Variants in BCORL1 observed in about 807,000 individuals in gnomAD.
BCORL1 encodes the protein BCL-6 corepressor-like protein 1.
Under a neutral mutation model 87.6 loss-of-function variants are expected in BCORL1, and 7 were observed. The ratio of observed to expected loss-of-function variants is 0.08; its 90% confidence interval spans 0.05 to 0.15. The LOEUF (loss-of-function observed/expected upper bound fraction) is 0.15. BCORL1 is among the 10% of genes least tolerant of loss of function. BCORL1 has a pLI of 1.00. For missense variants in BCORL1, 1,215 were observed against 1,499.7 expected, an observed-to-expected ratio of 0.81 and a Z score of 3.13; for synonymous variants, 591 against 634.4, an observed-to-expected ratio of 0.93 and a Z score of 1.03.
At chrX:130,041,327 G>A (rs1931302341) in intron 11 of BCORL1, among the ~76,000 whole-genome samples, 1 of 104,659 alleles carries the variant, frequency 9.6e-6, no homozygotes, top group Admixed American at 1.0e-4. Context: ...AAATAAACAC[G>A]TTTCTCTTAT....
Position 130,014,242 on chromosome X carries a change from C to A in BCORL1, c.1470C>A (p.Leu490=). The part of the protein sequence containing the change: ...VLPSYLQDRC[L]PGVLASPELR... ...CGTCCTACCTGCAGGACAGGTGTCT[C>A]CCAGGCGTGCTAGCCTCCCCCGAGC... is the stretch of plus-strand genomic sequence containing the variant. The change falls in exon 4 of 14, where the codon CTC becomes CTA. Residue 490 remains leucine (L), a synonymous_variant. Coordinates refer to ENST00000540052, the MANE Select transcript of BCORL1 (RefSeq NM_001379451.1). 9 of 1,211,047 alleles carry A rather than the reference C, an allele frequency of 7.4e-6. No homozygotes were observed. The highest frequency in any genetic ancestry group is 1.0e-5 in the Non-Finnish European group (9 of 895,308).
intron 13 of BCORL1, among the ~76,000 whole-genome samples, chrX:130,052,773 A>G (rs1269542494): frequency 2.7e-5 from 3 of 112,298 alleles, no homozygotes; most frequent in Non-Finnish European, 5.6e-5. Context: ...GTCTTCATGT[A>G]TTTCAAATAC....
intron 8 of BCORL1, among the ~76,000 whole-genome samples, chrX:130,030,664 G>A (rs1291318620): frequency 9.0e-6 from 1 of 111,251 alleles, no homozygotes; most frequent in Non-Finnish European, 1.9e-5. Flanking sequence ...GCTGGGAAAA[G>A]GTGGGCGTCT....
chrX:130,021,791 T>TG (rs1308964388), intron 5 of BCORL1, among the ~76,000 whole-genome samples: 1 of 105,496 alleles, frequency 9.5e-6, no homozygotes, highest in Non-Finnish European at 2.0e-5. Flanking sequence ...TGGTCTGTTC[T>TG]TTTTTTTTTT....
At position 130,028,705 on chromosome X, in the gene BCORL1, T is replaced by C; in HGVS notation, c.4149T>C (p.Leu1383=). The C allele has an allele frequency of 1.7e-6, 2 of 1,210,835 alleles. No individual in the cohort carries two copies. The highest frequency in any genetic ancestry group is 2.2e-6 in the Non-Finnish European group (2 of 895,227). ...SLEHRLRNRN[L]LLPNKVQGIS... ...AGCACCGCCTCAGGAACAGGAACCTTCTCTTGCCCAACAAAGTCCAGGGGA... is the reference window on the plus strand; with the variant it reads ...AGCACCGCCTCAGGAACAGGAACCTCCTCTTGCCCAACAAAGTCCAGGGGA... Residue 1383 remains leucine, a synonymous_variant, in exon 8 of 14, where the codon CTT becomes CTC. Coordinates refer to ENST00000540052, the MANE Select transcript of BCORL1 (RefSeq NM_001379451.1).
chrX:130,008,559 G>A (rs1410134209), intron 2 of BCORL1, among the ~76,000 whole-genome samples: 1 of 111,594 alleles, frequency 9.0e-6, no homozygotes, highest in Non-Finnish European at 1.9e-5. Context: ...CACCACGCCC[G>A]GCCTAAGATG....
Position 130,013,394 on chromosome X carries a change from C to G in BCORL1, c.622C>G (p.Pro208Ala). The G allele has an allele frequency of 1.7e-6, 2 of 1,211,212 alleles. No individual in the cohort carries two copies. Among genetic ancestry groups the G allele is most frequent in the Non-Finnish European group, 2.2e-6 (2 of 895,265 alleles). ...GCCAGCCCCTATCTGTCCCCCTGCT[C>G]CCGGTTCGGCCTCTGTGCCCCACTC... ...PLPAPICPPA[P>A]GSASVPHSVP... Residue 208 changes from proline to alanine, a missense_variant, in exon 4 of 14, where the codon CCC becomes GCC. By Grantham distance (27) the Pro-to-Ala change is conservative. This residue lies in a region of BCORL1 where 861 missense variants were observed against 1,010.0 expected (regional missense o/e 0.85). Transcript: ENST00000540052.
chrX:130,034,438 G>T lies in BCORL1; in HGVS notation c.4306-17G>T. 7 of 977,078 alleles carry T rather than the reference G, an allele frequency of 7.2e-6. No homozygotes were observed. The highest frequency in any genetic ancestry group is 9.3e-6 in the Non-Finnish European group (7 of 750,679). The allele number at this position is 977,078 out of a possible 1,213,427, so 80.5% of individuals were successfully genotyped here. A position where few individuals can be genotyped will look rare whatever the true frequency, so the allele number is the denominator to read the frequency against. ...GCCTGGCCTGACCTGACCTAGGACT[G>T]CATCTCTGCTTTCCAGGGCAAAGGT... On this transcript the variant is annotated splice_polypyrimidine_tract_variant and intron_variant, in intron 8 of 13. Transcript: ENST00000540052.
intron 11 of BCORL1, among the ~76,000 whole-genome samples, chrX:130,043,779 TA>T (rs1569388662): frequency 4.9e-4 from 12 of 24,656 alleles, no homozygotes; most frequent in African/African-American, 3.2e-3. Context: ...TATATATATA[TA>T]TATATTTTTT....
intron 1 of BCORL1, among the ~76,000 whole-genome samples, chrX:130,002,694 G>A (rs756446838): frequency 3.7e-5 from 4 of 106,860 alleles, no homozygotes; most frequent in African/African-American, 1.4e-4. Context: ...AGAGGGGATT[G>A]TGTGTGTGTG....
At chrX:130,055,798 G>T in intron 13 of BCORL1, 56 bp from the exon 14 acceptor site, 1 of 1,132,822 alleles carries the variant, frequency 8.8e-7, no homozygotes, top group Non-Finnish European at 1.2e-6. Context: ...TTCTGGGTCG[G>T]TGCCCCCACC....
intron 1 of BCORL1, among the ~76,000 whole-genome samples, chrX:130,003,352 CCTTCTTCTT>C (rs756573324): frequency 2.1e-4 from 22 of 103,959 alleles, no homozygotes; most frequent in Non-Finnish European, 4.2e-4. Flanking sequence ...TCCTCCTCCT[CCTTCTTCTT>C]CTTCTTCTTC....
Position 130,034,691 on chromosome X carries a change from G to T in BCORL1, c.4527+15G>T. On this transcript the variant is annotated intron_variant, in intron 9 of 13. Transcript: ENST00000540052. The stretch of plus-strand genomic sequence containing the variant: ...TTGGCTATAAGGTAAGGGAGTTTTC[G>T]ACTGACCACAGGGCGCCGTTGGTCT... 3.1e-6 allele frequency: 3 copies of T among 964,654 alleles called. No individual in the cohort carries two copies. Among genetic ancestry groups the T allele is most frequent in the Non-Finnish European group, 4.1e-6 (3 of 739,912 alleles). 79.5% of individuals were successfully genotyped at this position (964,654 alleles called of 1,213,427 possible). A position where few individuals can be genotyped will look rare whatever the true frequency, so the allele number is the denominator to read the frequency against.
intron 1 of BCORL1, among the ~76,000 whole-genome samples, chrX:129,994,109 C>T (rs1429690484): frequency 1.8e-5 from 2 of 112,589 alleles, no homozygotes; most frequent in Non-Finnish European, 3.8e-5. Context: ...TTTCTAAGTG[C>T]TTTCATGTTA....
chrX:130,055,539 C>T (rs1395171181), intron 13 of BCORL1, among the ~76,000 whole-genome samples: 3 of 112,648 alleles, frequency 2.7e-5, no homozygotes, highest in African/African-American at 9.7e-5. Context: ...AAGAAGCCTG[C>T]TAAGAGTTTT....
At chrX:130,050,218 G>GC (rs931078976) in intron 11 of BCORL1, among the ~76,000 whole-genome samples, 2 of 110,342 alleles carry the variant, frequency 1.8e-5, no homozygotes, top group Non-Finnish European at 3.8e-5. Flanking sequence ...GATCGCTTGA[G>GC]CTCAGGGGTT....
intron 2 of BCORL1, among the ~76,000 whole-genome samples, chrX:130,007,518 G>A (rs55816520): frequency 8.0e-5 from 9 of 112,780 alleles, no homozygotes; most frequent in South Asian, 3.6e-4. Context: ...CAGCGGGGCC[G>A]GGTGCTGTGG....
Position 130,056,920 on chromosome X carries a change from G to A in BCORL1, c.*784G>A, listed in dbSNP as rs1002420607. ...GCTATCTTGAGATTAGTGTTGACAG[G>A]GAGGGGAGGATTGTGAGGTGAGGGG... On this transcript the variant is annotated 3_prime_UTR_variant, in exon 14 of 14. Coordinates refer to ENST00000540052, the MANE Select transcript of BCORL1 (RefSeq NM_001379451.1). The A allele has an allele frequency of 2.8e-5, 3 of 108,537 alleles. No homozygotes were observed. The highest frequency in any genetic ancestry group is 1.0e-4 in the African/African-American group (3 of 29,660). The allele number at this position is 108,537 out of a possible 1,213,427, so 8.9% of individuals were successfully genotyped here.
intron 11 of BCORL1, 109 bp downstream of exon 11, chrX:130,039,391 G>C (rs1489943175): frequency 5.2e-6 from 5 of 969,564 alleles, no homozygotes; most frequent in Non-Finnish European, 7.0e-6. Flanking sequence ...CTCCCATGAG[G>C]GCCATCTGCC....
Sources: gnomAD v4.1 joint callset for allele counts (sites outside exome capture counted in the v4.1 genomes callset) on GRCh38, gnomAD v4.1.1 for gene constraint, gnomAD v4.1.1 regional missense constraint, MANE v1.5 for transcripts, NCBI Gene and HGNC (gene_info 2026-07-23, HGNC 2026-07-21) for gene names.